R3HDM1: variants seen among roughly 807,000 people sequenced by gnomAD.
R3HDM1 encodes the protein R3H domain containing 1, also known as R3H domain-containing protein 1.
Under a neutral mutation model 141.1 loss-of-function variants are expected in R3HDM1, and 46 were observed. That is an observed-to-expected ratio of 0.33 (90% confidence interval 0.26 to 0.42). The LOEUF is 0.42. Ranked by LOEUF, R3HDM1 falls within the 10% of genes least tolerant of loss-of-function variation. The pLI, the probability that R3HDM1 is intolerant of heterozygous loss-of-function variation, is 1.00. For synonymous variants in R3HDM1, 435 were observed against 472.9 expected (o/e 0.92, Z 1.04); for missense variants, 1,184 against 1,368.3 (o/e 0.87, Z 2.12).
Position 135,631,921 on chromosome 2 carries a change from A to G in R3HDM1, c.618A>G (p.Val206=). The G allele has an allele frequency of 6.2e-7, 1 of 1,612,238 alleles. No individual in the cohort carries two copies. Among genetic ancestry groups the G allele is most frequent in the East Asian group, 2.2e-5 (1 of 44,822 alleles). The change falls in exon 9 of 27, where the codon GTA becomes GTG. Residue 206 remains valine, a synonymous_variant. Coordinates refer to ENST00000683871, the MANE Select transcript of R3HDM1 (RefSeq NM_001378107.1). Reference sequence around the variant, plus strand: ...ACCATAGGATGCTATTACACAGAGTAGCCGCTTACTTTGGATTAGACCACA... The same window carrying G: ...ACCATAGGATGCTATTACACAGAGTGGCCGCTTACTTTGGATTAGACCACA... ...TSYHRMLLHR[V]AAYFGLDHNV...
intron 1 of R3HDM1, among the ~76,000 whole-genome samples, chr2:135,549,123 G>T (rs1699313736): frequency 6.6e-6 from 1 of 152,146 alleles, no homozygotes; most frequent in African/African-American, 2.4e-5. Context: ...AGGTAAATAG[G>T]TGTTTATATT....
rs1345177531 is a variant in R3HDM1 at position 135,723,992 on chromosome 2, A to G, written c.3105A>G (p.Glu1035=). The G allele has an allele frequency of 1.9e-6, 3 of 1,613,988 alleles. No individual in the cohort carries two copies. Among genetic ancestry groups the G allele is most frequent in the Admixed American group, 3.3e-5 (2 of 59,980 alleles). ...TACCAGATGGAATAACTCGCATGGA[A>G]GCTGAAAAGCTTTTTGGGGAACTCT... ...TELPDGITRM[E]AEKLFGELFK... is the part of the protein sequence containing the mutation. The change falls in exon 27 of 27, where the codon GAA becomes GAG. Residue 1035 remains glutamate, a synonymous_variant. Transcript: ENST00000683871.
At position 135,564,517 on chromosome 2, in the gene R3HDM1, A is replaced by T. The variant is rs572765263; in HGVS notation, c.-250+32884A>T. 5.3e-5 allele frequency among the ~76,000 whole-genome samples: 8 copies of T among 152,204 alleles called. No individual in the cohort carries two copies. In the East Asian group the frequency reaches 1.5e-3, roughly 29 times the overall value. ...TTATTTTTGGTAGAGATGGGGTTTC[A>T]GCATTTGACCAAGCTGGTCTTAAAC... On this transcript the variant is annotated intron_variant, in intron 1 of 26. Transcript: ENST00000683871.
intron 1 of R3HDM1, among the ~76,000 whole-genome samples, chr2:135,574,171 C>T (rs1038304002): frequency 6.6e-6 from 1 of 151,962 alleles, no homozygotes; most frequent in Non-Finnish European, 1.5e-5. Flanking sequence ...TAAGATAAAG[C>T]GGTAAATAAC....
At chr2:135,713,152 T>C (rs562739106) in intron 23 of R3HDM1, among the ~76,000 whole-genome samples, 1 of 152,120 alleles carries the variant, frequency 6.6e-6, no homozygotes, top group East Asian at 1.9e-4. Flanking sequence ...CAGTGAGCTG[T>C]GATCACACTA....
chr2:135,702,217 G>GAAAAAAAAAA (rs35183953), intron 21 of R3HDM1, among the ~76,000 whole-genome samples: 51 of 120,842 alleles, frequency 4.2e-4, no homozygotes, highest in African/African-American at 1.9e-3. Flanking sequence ...GTCTCAGGGG[G>GAAAAAAAAAA]AAAAAAAAAA....
intron 1 of R3HDM1, among the ~76,000 whole-genome samples, chr2:135,534,998 A>G (rs963298879): frequency 5.3e-5 from 8 of 152,324 alleles, no homozygotes; most frequent in African/African-American, 1.9e-4. Context: ...GTAAAATACT[A>G]TTGCTATTTG....
chr2:135,604,858 G>C lies in R3HDM1; in HGVS notation c.13G>C (p.Asp5His), dbSNP rs756421343. MRMS[D>H]TVTVKDETAT... ...ATAACCTTTTCTAATGAGGATGTCT[G>C]ATACTGTTACTGTAAAAGATGAAAC... The change falls in exon 3 of 27, where the codon GAT becomes CAT. Residue 5 changes from aspartate (D) to histidine (H), a missense_variant. Around this residue, in one of 5 missense-constraint regions of R3HDM1, gnomAD observed 192 missense variants for 215.7 expected, o/e 0.89. Coordinates refer to ENST00000683871, the MANE Select transcript of R3HDM1 (RefSeq NM_001378107.1). The C allele has an allele frequency of 1.2e-6, 2 of 1,611,978 alleles. No individual in the cohort carries two copies. The highest frequency in any genetic ancestry group is 1.7e-6 in the Non-Finnish European group (2 of 1,178,830).
intron 7 of R3HDM1, among the ~76,000 whole-genome samples, chr2:135,623,801 A>G (rs750354219): frequency 6.6e-6 from 1 of 152,236 alleles, no homozygotes; most frequent in African/African-American, 2.4e-5. Flanking sequence ...TACAGTATTC[A>G]CTGTCTCTGT....
At chr2:135,574,784 G>A (rs1180042277) in intron 1 of R3HDM1, among the ~76,000 whole-genome samples, 1 of 151,952 alleles carries the variant, frequency 6.6e-6, no homozygotes, top group African/African-American at 2.4e-5. Flanking sequence ...TTTCTCTCCC[G>A]CTCTCTCAAA....
chr2:135,723,404 C>T (rs907799858), intron 26 of R3HDM1, among the ~76,000 whole-genome samples: 6 of 151,692 alleles, frequency 4.0e-5, no homozygotes, highest in African/African-American at 1.5e-4. Flanking sequence ...ATTACAGGTG[C>T]GCCCGGCTCA....
intron 1 of R3HDM1, among the ~76,000 whole-genome samples, chr2:135,538,540 A>G (rs115991322): frequency 0.01 from 1,591 of 152,224 alleles, 25 homozygotes; most frequent in African/African-American, 0.036. Context: ...AAATAGACAT[A>G]TTATAGCTGT....
At chr2:135,646,528 A>G (rs1301615679) in intron 16 of R3HDM1, among the ~76,000 whole-genome samples, 1 of 151,980 alleles carries the variant, frequency 6.6e-6, no homozygotes, top group East Asian at 1.9e-4. Flanking sequence ...CCATTGGTGA[A>G]AACATGCAGA....
Position 135,621,542 on chromosome 2 carries a change from C to T in R3HDM1, c.352C>T (p.Pro118Ser), listed in dbSNP as rs2061510759. Residue 118 changes from proline to serine, a missense_variant, in exon 6 of 27, where the codon CCC (proline) becomes TCC (serine). Transcript: ENST00000683871. Reference sequence around the variant, plus strand: ...ACAATCATTTGAGAAAGAAGAGAAGCCCTCAAAAGATGAAGCAGAAAAAGA... The same window carrying T: ...ACAATCATTTGAGAAAGAAGAGAAGTCCTCAAAAGATGAAGCAGAAAAAGA... ...LTQSFEKEEK[P>S]SKDEAEKEKA... 1 of 1,600,678 alleles carries T rather than the reference C, an allele frequency of 6.2e-7. No individual in the cohort carries two copies. The highest frequency in any genetic ancestry group is 8.5e-7 in the Non-Finnish European group (1 of 1,173,498).
intron 1 of R3HDM1, among the ~76,000 whole-genome samples, chr2:135,563,094 G>A (rs193192794): frequency 6.9e-4 from 105 of 152,156 alleles, no homozygotes; most frequent in Middle Eastern, 6.8e-3. Flanking sequence ...TGAGTGTTTC[G>A]TTTCATTTGG....
At chr2:135,617,096 G>A (rs1351640938) in intron 5 of R3HDM1, among the ~76,000 whole-genome samples, 2 of 152,074 alleles carry the variant, frequency 1.3e-5, no homozygotes, top group African/African-American at 4.8e-5. Context: ...AGCCGAGGTG[G>A]GCACATCACG....
intron 1 of R3HDM1, chr2:135,581,080 C>G: frequency 1.7e-6 from 1 of 603,424 alleles, no homozygotes; most frequent in African/African-American, 2.0e-5. Context: ...TATACTAGAC[C>G]ATCTATGGTA....
In R3HDM1 at chr2:135,688,657, C is replaced by G. The variant is rs180783202; in HGVS notation, c.2459+8333C>G. Among the ~76,000 whole-genome samples, 12 of 152,276 alleles carry G rather than the reference C, an allele frequency of 7.9e-5. No individual in the cohort carries two copies. The East Asian group carries it at 2.1e-3, about 27-fold the overall frequency. ...TGTTATCAAGAAATACTGCGAAGGG[C>G]CAAGGACGGTGGCTCATGGCTGTGA... On this transcript the variant is annotated intron_variant, in intron 21 of 26. Coordinates refer to ENST00000683871, the MANE Select transcript of R3HDM1 (RefSeq NM_001378107.1).
intron 21 of R3HDM1, among the ~76,000 whole-genome samples, chr2:135,705,939 C>T (rs1208372071): frequency 6.6e-6 from 1 of 152,064 alleles, no homozygotes; most frequent in Non-Finnish European, 1.5e-5. Context: ...ACCATCCTGG[C>T]TAACATGGTG....
Sources: gnomAD v4.1 joint callset for allele counts (sites outside exome capture counted in the v4.1 genomes callset) on GRCh38, gnomAD v4.1.1 for gene constraint, gnomAD v4.1.1 regional missense constraint, MANE v1.5 for transcripts, NCBI Gene and HGNC (gene_info 2026-07-23, HGNC 2026-07-21) for gene names.